The following DSP variants were observed in gnomAD, a reference collection of about 807,000 sequenced individuals.
DSP encodes the protein 250/210 kDa paraneoplastic pemphigus antigen.
DSP carries 114 observed loss-of-function variants against 290.6 expected under a neutral mutation model. That is an observed-to-expected ratio of 0.39 (90% CI 0.34 to 0.46). DSP has a LOEUF of 0.46. Ranked by LOEUF, DSP falls within the 20% of genes least tolerant of loss-of-function variation. The pLI, the probability that DSP is intolerant of heterozygous loss-of-function variation, is 0.99. For missense variants in DSP, 3,230 were observed against 3,495.8 expected (o/e 0.92, Z 1.92); for synonymous variants, 1,311 against 1,316.4 (o/e 1.00, Z 0.09).
Position 7,571,895 on chromosome 6 carries a change from A to G in DSP, c.1957A>G (p.Lys653Glu), listed in dbSNP as rs1005394880. ...HGTCQDVNHN[K>E]VIETNRENDK... ...AACCTGCCAAGATGTCAACCATAAT[A>G]AAGTAATTGAAACCAACAGAGAAAA... The change falls in exon 15 of 24, where the codon AAA (lysine) becomes GAA (glutamate). Residue 653 changes from lysine to glutamate, a missense_variant. Transcript: ENST00000379802. 2 of 1,614,070 alleles carry G rather than the reference A, an allele frequency of 1.2e-6. No individual in the cohort carries two copies. The highest frequency in any genetic ancestry group is 1.7e-6 in the Non-Finnish European group (2 of 1,180,034).
rs150734502 is a variant in DSP, at chr6:7,571,418, G to A, written c.1737G>A (p.Thr579=). The change falls in exon 14 of 24, where the codon ACG becomes ACA. Residue 579 remains threonine, a synonymous_variant. Coordinates refer to ENST00000379802, the MANE Select transcript of DSP (RefSeq NM_004415.4). ...TGCGGCAGGAAGATTACATGAAGAC[G>A]ATAGCCGACCTTGAGTTACATTACC... ...KTMRQEDYMK[T]IADLELHYQE... is the part of the protein sequence containing the mutation. 7.4e-6 allele frequency: 12 copies of A among 1,613,978 alleles called. No individual in the cohort carries two copies. Among genetic ancestry groups the A allele is most frequent in the South Asian group, 1.1e-5 (1 of 91,088 alleles).
At chr6:7,577,384 A>G (rs1338107082) in intron 20 of DSP, among the ~76,000 whole-genome samples, 7 of 152,106 alleles carry the variant, frequency 4.6e-5, no homozygotes, top group African/African-American at 1.7e-4. Flanking sequence ...GCTGGAGTGC[A>G]GTGGTGTGAT....
In DSP at chr6:7,574,686, C is replaced by G. The variant is rs201700546; in HGVS notation, c.2327C>G (p.Ala776Gly). 6.2e-7 allele frequency: 1 copy of G among 1,614,092 alleles called. No homozygotes were observed. Among genetic ancestry groups the G allele is most frequent in the African/African-American group, 1.3e-5 (1 of 75,018 alleles). ...SLCTVRALLQ[A>G]ILQTEDMLKV... is the part of the protein sequence containing the mutation. The stretch of plus-strand genomic sequence containing the variant: ...TGCACAGTAAGGGCACTGCTCCAGG[C>G]TATTCTCCAAACAGAAGACATGTTA... The change falls in exon 17 of 24, where the codon GCT becomes GGT. Residue 776 changes from alanine (A) to glycine (G), a missense_variant. By Grantham distance (60) the Ala-to-Gly change is moderately conservative. Coordinates refer to ENST00000379802, the MANE Select transcript of DSP (RefSeq NM_004415.4).
Position 7,580,387 on chromosome 6 carries a change from C to G in DSP, c.4197C>G (p.Thr1399=). Residue 1399 remains threonine, a synonymous_variant, in exon 23 of 24, where the codon ACC becomes ACG. Coordinates refer to ENST00000379802, the MANE Select transcript of DSP (RefSeq NM_004415.4). This position sits in a 1 kb window ranked among gnomAD's most constrained non-coding sequence, Gnocchi z 4.2. ...SGYRAQIDNL[T]RENRSLSEEI... ...ACCGGGCTCAGATAGACAATCTCAC[C>G]CGAGAAAACAGGAGCTTATCTGAAG... 1.2e-6 allele frequency: 2 copies of G among 1,613,932 alleles called. No individual in the cohort carries two copies. Among genetic ancestry groups the G allele is most frequent in the Non-Finnish European group, 1.7e-6 (2 of 1,179,982 alleles).
Position 7,583,636 on chromosome 6 carries a change from T to C in DSP, c.6374T>C (p.Leu2125Pro). 6.2e-7 allele frequency: 1 copy of C among 1,614,222 alleles called. No individual in the cohort carries two copies. The highest frequency in any genetic ancestry group is 1.1e-5 in the South Asian group (1 of 91,088). ...GATAGAGAAACCGGAATGCGCCTGC[T>C]GGAAGCCCAGATTGCTTCAGGGGGT... is the stretch of plus-strand genomic sequence containing the variant. ...LIDRETGMRLLEAQIASGGVV... is the reference protein window; with the variant it reads ...LIDRETGMRLPEAQIASGGVV... The change falls in exon 24 of 24, where the codon CTG becomes CCG. Residue 2125 changes from leucine to proline, a missense_variant. Leu to Pro is a moderately conservative substitution (Grantham distance 98). This residue lies in a region of DSP where 1,714 missense variants were observed against 1,844.5 expected (regional missense o/e 0.93). Transcript: ENST00000379802. This position sits in a 1 kb window ranked among gnomAD's most constrained non-coding sequence, Gnocchi z 4.0.
At chr6:7,553,964 C>A (rs985241897) in intron 1 of DSP, among the ~76,000 whole-genome samples, 4 of 152,232 alleles carry the variant, frequency 2.6e-5, no homozygotes, top group African/African-American at 9.6e-5. Flanking sequence ...CATGGTGAGA[C>A]AGTGCAGCCA....
intron 6 of DSP, 31 bp downstream of exon 6, chr6:7,563,817 C>CT: frequency 6.2e-7 from 1 of 1,601,200 alleles, no homozygotes; most frequent in South Asian, 1.1e-5. Context: ...AGTGCATCGA[C>CT]TTTCTGTTGT....
chr6:7,548,858 G>C (rs1370435785), intron 1 of DSP, among the ~76,000 whole-genome samples: 1 of 152,136 alleles, frequency 6.6e-6, no homozygotes, highest in African/African-American at 2.4e-5. Context: ...GTTTGCCTTT[G>C]TTTTTCTTCC....
rs898212782 is a variant in DSP at position 7,580,876 on chromosome 6, T to C, written c.4686T>C (p.Ser1562=). ...AGGATATCACGCGGTTCCAGAACTC[T>C]CTGAAAGAGCTGCAGCTGCAGAAGC... ...KDQDITRFQN[S]LKELQLQKQK... The change falls in exon 23 of 24, where the codon TCT becomes TCC. Residue 1562 remains serine, a synonymous_variant. Coordinates refer to ENST00000379802, the MANE Select transcript of DSP (RefSeq NM_004415.4). The surrounding 1 kb of genome is among the most constrained non-coding windows in gnomAD (Gnocchi z 4.2). 8 of 1,614,062 alleles carry C rather than the reference T, an allele frequency of 5.0e-6. No homozygotes were observed. The highest frequency in any genetic ancestry group is 6.8e-6 in the Non-Finnish European group (8 of 1,180,022).
In DSP at chr6:7,583,845, C is replaced by T; in HGVS notation, c.6583C>T (p.His2195Tyr). The T allele has an allele frequency of 1.1e-5, 17 of 1,614,166 alleles. No homozygotes were observed. The highest frequency in any genetic ancestry group is 1.4e-5 in the Non-Finnish European group (17 of 1,180,026). ...GAAGGAACGGTGCAGAATCGAACCACATACTGGTCTGCTCTTGCTTTCAGT... is the reference window on the plus strand; with the variant it reads ...GAAGGAACGGTGCAGAATCGAACCATATACTGGTCTGCTCTTGCTTTCAGT... ...QLKERCRIEP[H>Y]TGLLLLSVQK... Residue 2195 changes from histidine (H) to tyrosine (Y), a missense_variant, in exon 24 of 24, where the codon CAT becomes TAT. Physicochemically the swap from His to Tyr is moderately conservative, Grantham distance 83 (BLOSUM62 2). Coordinates refer to ENST00000379802, the MANE Select transcript of DSP (RefSeq NM_004415.4). This position sits in a 1 kb window ranked among gnomAD's most constrained non-coding sequence, Gnocchi z 4.0.
In DSP at chr6:7,580,423, G is replaced by C. The variant is rs771721410; in HGVS notation, c.4233G>C (p.Arg1411Ser). The C allele has an allele frequency of 7.4e-6, 12 of 1,613,990 alleles. No individual in the cohort carries two copies. In the Admixed American group the frequency reaches 1.5e-4, roughly 20 times the overall value. The change falls in exon 23 of 24, where the codon AGG becomes AGC. Residue 1411 changes from arginine to serine, a missense_variant. Transcript: ENST00000379802. The surrounding 1 kb of genome is among the most constrained non-coding windows in gnomAD (Gnocchi z 4.2). ...GGAGCTTATCTGAAGAAATAAAGAG[G>C]CTGAAGAACACTCTAACCCAGACCA... The part of the protein sequence containing the change: ...ENRSLSEEIK[R>S]LKNTLTQTTE...
intron 8 of DSP, 53 bp from the exon 9 acceptor site, chr6:7,567,301 A>G: frequency 7.2e-7 from 1 of 1,387,526 alleles, no homozygotes; most frequent in Non-Finnish European, 1.0e-6. Context: ...CTTGGTGTTC[A>G]TGCATCTGTA....
chr6:7,581,854 G>A (rs1474030316), intron 23 of DSP, among the ~76,000 whole-genome samples: 1 of 152,116 alleles, frequency 6.6e-6, no homozygotes, highest in Non-Finnish European at 1.5e-5. Flanking sequence ...TCCTCCGAAT[G>A]TTCCATTCTA....
intron 22 of DSP, 134 bp downstream of exon 22, chr6:7,578,696 C>G (rs549158334): frequency 1.4e-5 from 10 of 725,986 alleles, no homozygotes; most frequent in Non-Finnish European, 2.1e-5. Flanking sequence ...TAGTGTAATA[C>G]TGCTTGTTTG....
chr6:7,565,277 A>C lies in DSP; in HGVS notation c.778-82A>C. On this transcript the variant is annotated intron_variant, in intron 6 of 23. Coordinates refer to ENST00000379802, the MANE Select transcript of DSP (RefSeq NM_004415.4). The surrounding 1 kb of genome is among the most constrained non-coding windows in gnomAD (Gnocchi z 4.2). ...GTGTGATTTTTTTTTTAAAGGGACC[A>C]CAGGTTTAATCTTTAAACCTGCAGA... The C allele has an allele frequency of 6.5e-7, 1 of 1,544,510 alleles. No homozygotes were observed. The highest frequency in any genetic ancestry group is 8.9e-7 in the Non-Finnish European group (1 of 1,123,976).
chr6:7,543,858 T>G (rs1758093947), intron 1 of DSP, among the ~76,000 whole-genome samples: 1 of 152,208 alleles, frequency 6.6e-6, no homozygotes, highest in Admixed American at 6.5e-5. Flanking sequence ...CTTTAATAAA[T>G]TAAGTGGTTA....
intron 15 of DSP, among the ~76,000 whole-genome samples, chr6:7,572,608 C>T (rs1324361965): frequency 1.3e-5 from 2 of 152,200 alleles, no homozygotes; most frequent in African/African-American, 4.8e-5. Context: ...AGGTCAACTC[C>T]TCTCTCTTCC....
At chr6:7,558,545 C>T (rs1239444148) in intron 3 of DSP, among the ~76,000 whole-genome samples, 2 of 131,226 alleles carry the variant, frequency 1.5e-5, no homozygotes, top group South Asian at 2.4e-4. Context: ...GACAGGGTCT[C>T]GCTCTGTCAC....
rs138609999 is a variant in DSP at position 7,570,606 on chromosome 6, C to T, written c.1701+43C>T. ...CTTAGGCTGCCTGGAGGGAGGGCAG[C>T]GCTGCCCCCCGCAGTGCCTGTGTCC... On this transcript the variant is annotated intron_variant, in intron 13 of 23. Coordinates refer to ENST00000379802, the MANE Select transcript of DSP (RefSeq NM_004415.4). 5.7e-5 allele frequency: 92 copies of T among 1,610,456 alleles called. 1 individual carries two copies. The African/African-American group carries it at 7.1e-4, about 12-fold the overall frequency.
Sources: allele counts gnomAD v4.1 joint callset (sites outside exome capture counted in the v4.1 genomes callset), GRCh38; gene constraint gnomAD v4.1.1; regional missense constraint gnomAD v4.1.1; non-coding constraint Gnocchi (gnomAD v3.1); transcripts MANE v1.5; gene names NCBI Gene and HGNC (gene_info 2026-07-23, HGNC 2026-07-21).